EDIL3: variants seen among roughly 807,000 people sequenced by gnomAD.
EDIL3 encodes EGF-like repeat and discoidin I-like domain-containing protein 3.
A neutral mutation model predicts 67.4 loss-of-function variants in EDIL3; 37 were observed. That is an observed-to-expected ratio of 0.55 (90% confidence interval 0.42 to 0.72). EDIL3 has a LOEUF of 0.72. Among genes scored for constraint, EDIL3 ranks in the 30% least tolerant of loss-of-function variants. The pLI is 0.00. For missense variants in EDIL3, 527 were observed against 586.3 expected (o/e 0.90, Z 1.04); for synonymous variants, 195 against 196.3 (o/e 0.99, Z 0.05).
At chr5:84,116,593 AAATAGAGGATG>A (rs1747669205) in intron 5 of EDIL3, among the ~76,000 whole-genome samples, 1 of 152,200 alleles carries the variant, frequency 6.6e-6, no homozygotes, top group South Asian at 2.1e-4. Context: ...TATAAAGTTG[AAATAGAGGATG>A]AATTCTTGAT....
intron 1 of EDIL3, among the ~76,000 whole-genome samples, chr5:84,285,013 C>T (rs1417353884): frequency 6.6e-6 from 1 of 152,086 alleles, no homozygotes; most frequent in Non-Finnish European, 1.5e-5. Context: ...ACATCTGTCA[C>T]AAGAAGTCAG....
chr5:84,195,012 C>A (rs1331927105), intron 3 of EDIL3, among the ~76,000 whole-genome samples: 2 of 151,862 alleles, frequency 1.3e-5, no homozygotes, highest in Admixed American at 6.6e-5. Flanking sequence ...AAAGAAGTGA[C>A]AATAATCCAG....
Position 84,220,613 on chromosome 5 carries a change from A to T in EDIL3, c.226+9242T>A, listed in dbSNP as rs556107295. ...GATTGGTGACCTTCATTGATTGGTG[A>T]CCTAGTATGCATTTCTTTGATTCTG... On this transcript the variant is annotated intron_variant, in intron 3 of 10. Coordinates refer to ENST00000296591, the MANE Select transcript of EDIL3 (RefSeq NM_005711.5). 3.9e-5 allele frequency among the ~76,000 whole-genome samples: 6 copies of T among 152,252 alleles called. No individual in the cohort carries two copies. The South Asian group carries it at 1.2e-3, about 32-fold the overall frequency.
At chr5:84,162,372 G>A (rs1356446245) in intron 4 of EDIL3, among the ~76,000 whole-genome samples, 1 of 152,058 alleles carries the variant, frequency 6.6e-6, no homozygotes, top group Admixed American at 6.6e-5. Context: ...AGTGAGTTAA[G>A]GCGATATTCT....
chr5:84,225,878 G>A (rs3776896), intron 3 of EDIL3, among the ~76,000 whole-genome samples: 30,475 of 151,252 alleles, frequency 0.2, 3,135 homozygotes, highest in East Asian at 0.37. Context: ...GTATAGATTT[G>A]TTCAAAAAAT....
At chr5:84,349,302 C>G (rs1158043081) in intron 1 of EDIL3, among the ~76,000 whole-genome samples, 1 of 152,080 alleles carries the variant, frequency 6.6e-6, no homozygotes, top group African/African-American at 2.4e-5. Flanking sequence ...TGTTCTCTGG[C>G]CCTGCTTGAC....
intron 4 of EDIL3, among the ~76,000 whole-genome samples, chr5:84,160,998 C>A (rs1235039851): frequency 6.6e-6 from 1 of 151,918 alleles, no homozygotes; most frequent in Non-Finnish European, 1.5e-5. Context: ...TCACTCCCCA[C>A]CCTTCTTCAC....
intron 3 of EDIL3, among the ~76,000 whole-genome samples, chr5:84,220,256 A>T (rs1218578372): frequency 6.6e-6 from 1 of 152,198 alleles, no homozygotes; most frequent in East Asian, 1.9e-4. Flanking sequence ...ACCCACTAAA[A>T]TTAAAACTTA....
chr5:84,320,092 T>C (rs1188104993), intron 1 of EDIL3, among the ~76,000 whole-genome samples: 1 of 152,064 alleles, frequency 6.6e-6, no homozygotes, highest in East Asian at 1.9e-4. Flanking sequence ...ATGGCACATG[T>C]ATACCTATGT....
At chr5:84,006,744 G>A (rs1745424199) in intron 9 of EDIL3, among the ~76,000 whole-genome samples, 2 of 152,070 alleles carry the variant, frequency 1.3e-5, no homozygotes. Flanking sequence ...AAAGGAAAAT[G>A]TTTCCAGTTA....
chr5:84,122,116 A>AC (rs1224185946), intron 5 of EDIL3, among the ~76,000 whole-genome samples: 2 of 151,728 alleles, frequency 1.3e-5, no homozygotes, highest in Non-Finnish European at 2.9e-5. Context: ...AGTGCACTTC[A>AC]CTCTTGTATA....
chr5:84,173,467 C>G (rs184412748), intron 4 of EDIL3, among the ~76,000 whole-genome samples: 3 of 152,106 alleles, frequency 2.0e-5, no homozygotes, highest in African/African-American at 7.2e-5. Flanking sequence ...GAAGCAGACT[C>G]GCACGACTGC....
At chr5:84,270,087 C>T (rs142532285) in intron 1 of EDIL3, among the ~76,000 whole-genome samples, 20 of 152,268 alleles carry the variant, frequency 1.3e-4, no homozygotes, top group Middle Eastern at 3.4e-3. Context: ...AGTGAGATCA[C>T]AAGGGTATTT....
At chr5:84,055,056 C>G (rs1445288147) in intron 9 of EDIL3, among the ~76,000 whole-genome samples, 1 of 146,408 alleles carries the variant, frequency 6.8e-6, no homozygotes, top group Non-Finnish European at 1.5e-5. Flanking sequence ...TGACTTCAAA[C>G]TGTACTACAA....
At chr5:84,090,023 A>T (rs1463092399) in intron 6 of EDIL3, among the ~76,000 whole-genome samples, 1 of 152,216 alleles carries the variant, frequency 6.6e-6, no homozygotes, top group Non-Finnish European at 1.5e-5. Context: ...ACAGTAAAAC[A>T]TTTAAAGCCT....
chr5:84,170,837 C>T (rs932218270), intron 4 of EDIL3, among the ~76,000 whole-genome samples: 12 of 151,784 alleles, frequency 7.9e-5, no homozygotes, highest in African/African-American at 2.4e-4. Context: ...TTTTGTTGCC[C>T]GGGCTGGAGT....
chr5:84,134,261 T>C (rs1272914899), intron 5 of EDIL3, among the ~76,000 whole-genome samples: 1 of 152,202 alleles, frequency 6.6e-6, no homozygotes, highest in African/African-American at 2.4e-5. Flanking sequence ...TTAAATATAT[T>C]TGAGTTTTTA....
chr5:83,999,554 T>A (rs1323654175), intron 9 of EDIL3, among the ~76,000 whole-genome samples: 5 of 151,788 alleles, frequency 3.3e-5, no homozygotes, highest in Non-Finnish European at 7.4e-5. Flanking sequence ...GAAGAAAAAA[T>A]TAGTGAACTT....
chr5:84,154,440 A>C (rs1748453888), intron 4 of EDIL3, among the ~76,000 whole-genome samples: 1 of 152,128 alleles, frequency 6.6e-6, no homozygotes, highest in Non-Finnish European at 1.5e-5. Flanking sequence ...ACTGCACTTC[A>C]CTAAAAATGT....
Sources: gnomAD v4.1 joint callset for allele counts (sites outside exome capture counted in the v4.1 genomes callset) on GRCh38, gnomAD v4.1.1 for gene constraint, MANE v1.5 for transcripts, NCBI Gene and HGNC (gene_info 2026-07-23, HGNC 2026-07-21) for gene names.